Variants in GFM1 observed in about 807,000 individuals in gnomAD.
The protein encoded by GFM1 is elongation factor G, mitochondrial.
In GFM1, 62 loss-of-function variants were observed where a neutral mutation model predicts 96.2. The observed-to-expected ratio is 0.64, with a 90% CI of 0.53 to 0.80. The LOEUF (loss-of-function observed/expected upper bound fraction) is 0.80. Ranked by LOEUF, GFM1 falls within the 30% of genes least tolerant of loss-of-function variation. GFM1 has a pLI of 0.00. For missense variants in GFM1, 852 were observed against 916.6 expected (o/e 0.93, Z 0.91); for synonymous variants, 282 against 312.9 (o/e 0.90, Z 1.04).
At chr3:158,660,803 T>C (rs1369506611) in intron 9 of GFM1, 71 bp from the exon 10 acceptor site, 6 of 1,277,492 alleles carry the variant, frequency 4.7e-6, no homozygotes, top group Non-Finnish European at 6.9e-6. Context: ...TACTGTACAG[T>C]TTACTTTTTA....
chr3:158,649,241 GTAAC>G, intron 5 of GFM1, 84 bp downstream of exon 5: 1 of 703,462 alleles, frequency 1.4e-6, no homozygotes, highest in East Asian at 2.9e-5. Flanking sequence ...CAAACGCAGA[GTAAC>G]TATCTTTTTG....
rs1262271506 is a variant in GFM1 at position 158,660,919 on chromosome 3, A to C, written c.1267A>C (p.Ile423Leu). 1 of 1,614,012 alleles carries C rather than the reference A, an allele frequency of 6.2e-7. No individual in the cohort carries two copies. The highest frequency in any genetic ancestry group is 2.2e-5 in the East Asian group (1 of 44,886). ...YAGDICALFG[I>L]DCASGDTFTD... is the part of the protein sequence containing the mutation. Reference sequence around the variant, plus strand: ...CGGAGACATCTGTGCATTGTTTGGCATTGACTGTGCTAGTGGAGACACATT... The same window carrying C: ...CGGAGACATCTGTGCATTGTTTGGCCTTGACTGTGCTAGTGGAGACACATT... The change falls in exon 10 of 18, where the codon ATT becomes CTT. Residue 423 changes from isoleucine to leucine, a missense_variant. Ile to Leu is a conservative substitution (Grantham distance 5). Coordinates refer to ENST00000486715, the MANE Select transcript of GFM1 (RefSeq NM_024996.7).
At position 158,665,424 on chromosome 3, in the gene GFM1, G is replaced by A. The variant is rs1560135430; in HGVS notation, c.1468G>A (p.Glu490Lys). Residue 490 changes from glutamate to lysine, a missense_variant, in exon 12 of 18, where the codon GAG (glutamate) becomes AAG (lysine). Physicochemically the swap from Glu to Lys is moderately conservative, Grantham distance 56. Coordinates refer to ENST00000486715, the MANE Select transcript of GFM1 (RefSeq NM_024996.7). ...FKVYFDTENK[E>K]TVISGMGELH... ...AGTATACTTTGACACTGAGAACAAA[G>A]AGACAGTTATATCTGGAATGGGAGA... 9 of 1,610,406 alleles carry A rather than the reference G, an allele frequency of 5.6e-6. No homozygotes were observed. The highest frequency in any genetic ancestry group is 5.9e-6 in the Non-Finnish European group (7 of 1,177,168).
rs535896508 is a variant in GFM1 at position 158,692,920 on chromosome 3, T to A, written c.*1453T>A. On this transcript the variant is annotated 3_prime_UTR_variant, in exon 18 of 18. Coordinates refer to ENST00000486715, the MANE Select transcript of GFM1 (RefSeq NM_024996.7). Reference sequence around the variant, plus strand: ...ATTGCCCAGGCTGGTCTCAAACTCCTGGGCTCAAGCTCTCTGCCTGCCCCA... The same window carrying A: ...ATTGCCCAGGCTGGTCTCAAACTCCAGGGCTCAAGCTCTCTGCCTGCCCCA... Among the ~76,000 whole-genome samples, 9 of 152,260 alleles carry A rather than the reference T, an allele frequency of 5.9e-5. No homozygotes were observed. The South Asian group carries it at 1.9e-3, about 32-fold the overall frequency.
chr3:158,691,040 A>T (rs191784107), intron 16 of GFM1, 99 bp from the exon 17 acceptor site: 368 of 811,264 alleles, frequency 4.5e-4, no homozygotes, highest in Non-Finnish European at 7.4e-4. Flanking sequence ...GTGAGCAGAA[A>T]TCTTAATCTA....
At chr3:158,690,417 GCTGAATTTGTGGCTTTAT>G in intron 16 of GFM1, 94 bp downstream of exon 16, 1 of 1,238,164 alleles carries the variant, frequency 8.1e-7, no homozygotes, top group African/African-American at 1.5e-5. Context: ...ACATTTCCTT[GCTGAATTTGTGGCTTTAT>G]ACATGTGGCA....
At chr3:158,645,517 C>G in intron 1 of GFM1, 112 bp from the exon 2 acceptor site, 1 of 919,346 alleles carries the variant, frequency 1.1e-6, no homozygotes, top group East Asian at 2.5e-5. Context: ...CTCAAGCTAT[C>G]TCATATCCAG....
chr3:158,645,205 G>A (rs1478692164), intron 1 of GFM1, among the ~76,000 whole-genome samples: 1 of 152,092 alleles, frequency 6.6e-6, no homozygotes, highest in Non-Finnish European at 1.5e-5. Context: ...ACTGCATAGA[G>A]CATATAAGTT....
At position 158,691,613 on chromosome 3, in the gene GFM1, C is replaced by A. The variant is rs1726329380; in HGVS notation, c.*146C>A. ...TCTTCTTTCTTCAAAAGAAGCCCTT[C>A]TTGTTCATATTCAGGAGCTTCTGTT... On this transcript the variant is annotated 3_prime_UTR_variant, in exon 18 of 18. Transcript: ENST00000486715. 5 of 784,854 alleles carry A rather than the reference C, an allele frequency of 6.4e-6. No individual in the cohort carries two copies. Among genetic ancestry groups the A allele is most frequent in the Admixed American group, 2.2e-5 (1 of 44,566 alleles). 48.6% of individuals were successfully genotyped at this position (784,854 alleles called of 1,614,324 possible). A position where few individuals can be genotyped will look rare whatever the true frequency, so the allele number is the denominator to read the frequency against.
At chr3:158,673,357 C>G (rs898501329) in intron 13 of GFM1, among the ~76,000 whole-genome samples, 8 of 152,116 alleles carry the variant, frequency 5.3e-5, no homozygotes, top group Non-Finnish European at 1.2e-4. Flanking sequence ...TGGTCTACCT[C>G]ATTGCAATGG....
At chr3:158,670,139 A>G (rs777072038) in intron 13 of GFM1, among the ~76,000 whole-genome samples, 26 of 152,208 alleles carry the variant, frequency 1.7e-4, no homozygotes, top group Non-Finnish European at 3.1e-4. Context: ...CTCAACAGAA[A>G]GGCAAGCTTT....
intron 15 of GFM1, among the ~76,000 whole-genome samples, chr3:158,688,100 A>C (rs1726013126): frequency 6.6e-6 from 1 of 152,168 alleles, no homozygotes; most frequent in South Asian, 2.1e-4. Flanking sequence ...ACAATAGTTC[A>C]AATTCTCCCA....
intron 13 of GFM1, chr3:158,667,059 A>C (rs1560136320): frequency 1.9e-6 from 3 of 1,590,814 alleles, no homozygotes; most frequent in Non-Finnish European, 2.6e-6. Flanking sequence ...AATTCAATAA[A>C]GTCATCATTT....
At chr3:158,666,755 A>G in intron 13 of GFM1, 1 of 1,604,516 alleles carries the variant, frequency 6.2e-7, no homozygotes, top group Non-Finnish European at 8.5e-7. Context: ...CTGCAAGTGA[A>G]GAAAATTAAT....
rs1726497043 is a variant in GFM1, at chr3:158,695,184, G to C, written c.*3717G>C. On this transcript the variant is annotated 3_prime_UTR_variant, in exon 18 of 18. Coordinates refer to ENST00000486715, the MANE Select transcript of GFM1 (RefSeq NM_024996.7). ...AGGTCAGGAGTTCGAGACCACCCTG[G>C]CCAACACGGTGAAACCCCGTCTCTA... Among the ~76,000 whole-genome samples the C allele has an allele frequency of 1.3e-5, 2 of 152,114 alleles. No individual in the cohort carries two copies. The highest frequency in any genetic ancestry group is 4.2e-4 in the South Asian group (2 of 4,816).
In GFM1 at chr3:158,662,611, T is replaced by C. The variant is rs1156397761; in HGVS notation, c.1324-17T>C. 2 of 1,525,376 alleles carry C rather than the reference T, an allele frequency of 1.3e-6. No individual in the cohort carries two copies. Among genetic ancestry groups the C allele is most frequent in the Non-Finnish European group, 1.8e-6 (2 of 1,100,278 alleles). 94.5% of individuals were successfully genotyped at this position (1,525,376 alleles called of 1,614,324 possible). On this transcript the variant is annotated splice_polypyrimidine_tract_variant and intron_variant, in intron 10 of 17. Transcript: ENST00000486715. ...CTGTTTTTTAATTCTTCTGTTTTCT[T>C]TTAAAAAATATTTTAGGAGTCAATT...
chr3:158,684,752 C>T, intron 15 of GFM1, 84 bp downstream of exon 15: 8 of 1,429,162 alleles, frequency 5.6e-6, no homozygotes, highest in Non-Finnish European at 7.9e-6. Flanking sequence ...TTTCAGTCTT[C>T]TTCACCCAGA....
At chr3:158,659,361 C>A (rs1419152414) in intron 9 of GFM1, among the ~76,000 whole-genome samples, 1 of 152,144 alleles carries the variant, frequency 6.6e-6, no homozygotes, top group Non-Finnish European at 1.5e-5. Flanking sequence ...TCCTCAAGAA[C>A]TATTATTACA....
chr3:158,644,884 T>C, intron 1 of GFM1, 169 bp downstream of exon 1: 1 of 654,136 alleles, frequency 1.5e-6, no homozygotes, highest in Non-Finnish European at 2.8e-6. Context: ...ATTAGCTCGT[T>C]AGCTCGTTTG....
Sources: allele counts gnomAD v4.1 joint callset (sites outside exome capture counted in the v4.1 genomes callset), GRCh38; gene constraint gnomAD v4.1.1; transcripts MANE v1.5; gene names NCBI Gene and HGNC (gene_info 2026-07-23, HGNC 2026-07-21).